The following GXYLT2 variants were observed in gnomAD, a reference collection of about 807,000 sequenced individuals.
GXYLT2 encodes glycosyltransferase 8 domain containing 4.
In GXYLT2, 53 loss-of-function variants were observed where a neutral mutation model predicts 45.8. The ratio of observed to expected loss-of-function variants is 1.16; its 90% CI spans 0.93 to 1.46. The LOEUF is 1.46. Among genes scored for constraint, GXYLT2 ranks in the 40% most tolerant of loss-of-function variants. The pLI, the probability that GXYLT2 is intolerant of heterozygous loss-of-function variation, is 0.00. For synonymous variants in GXYLT2, 219 were observed against 214.2 expected, an observed-to-expected ratio of 1.02 and a Z score of -0.19; for missense variants, 551 against 544.4, an observed-to-expected ratio of 1.01 and a Z score of -0.12.
At chr3:72,934,628 C>T (rs370206435) in intron 3 of GXYLT2, among the ~76,000 whole-genome samples, 3 of 152,260 alleles carry the variant, frequency 2.0e-5, no homozygotes, top group Non-Finnish European at 2.9e-5. Context: ...AAAGCAGTTA[C>T]GCCTTCAGAT....
chr3:72,948,260 A>G (rs1710449303), intron 3 of GXYLT2, among the ~76,000 whole-genome samples: 1 of 152,214 alleles, frequency 6.6e-6, no homozygotes, highest in Non-Finnish European at 1.5e-5. Flanking sequence ...AAGTGACCTC[A>G]TCAACAGCTA....
chr3:72,894,542 G>A (rs974591870), intron 1 of GXYLT2, among the ~76,000 whole-genome samples: 3 of 152,202 alleles, frequency 2.0e-5, no homozygotes, highest in African/African-American at 7.2e-5. Flanking sequence ...GTACCTGATA[G>A]CAATAGCTTG....
chr3:72,957,441 A>G, intron 5 of GXYLT2, 89 bp downstream of exon 5: 1 of 1,335,722 alleles, frequency 7.5e-7, no homozygotes, highest in South Asian at 1.4e-5. Context: ...GCTATTGACT[A>G]GGCTTGAATT....
At chr3:72,894,386 G>A (rs953208376) in intron 1 of GXYLT2, among the ~76,000 whole-genome samples, 3 of 152,212 alleles carry the variant, frequency 2.0e-5, no homozygotes, top group Admixed American at 1.3e-4. Flanking sequence ...CCCAGGAAGT[G>A]AGCATCCACC....
chr3:72,933,878 C>T (rs142153133), intron 3 of GXYLT2, among the ~76,000 whole-genome samples: 2 of 151,760 alleles, frequency 1.3e-5, no homozygotes, highest in Non-Finnish European at 2.9e-5. Context: ...CACTCCAACT[C>T]GGGCAACAGA....
At chr3:72,898,145 T>G (rs1273292099) in intron 1 of GXYLT2, among the ~76,000 whole-genome samples, 1 of 152,186 alleles carries the variant, frequency 6.6e-6, no homozygotes, top group East Asian at 1.9e-4. Context: ...TACTTGTATA[T>G]GCATTAAGCA....
At chr3:72,902,775 G>C (rs989378710) in intron 1 of GXYLT2, among the ~76,000 whole-genome samples, 1 of 151,810 alleles carries the variant, frequency 6.6e-6, no homozygotes, top group Non-Finnish European at 1.5e-5. Flanking sequence ...AGCACTTTGG[G>C]AGGCCAAGGC....
In GXYLT2 at chr3:72,941,240, C is replaced by T. The variant is rs115528426; in HGVS notation, c.601-13858C>T. 8.1e-3 allele frequency among the ~76,000 whole-genome samples: 1,234 copies of T among 152,296 alleles called. 12 individuals are homozygous for T. Among genetic ancestry groups the T allele is most frequent in the South Asian group, 0.017 (81 of 4,830 alleles). On this transcript the variant is annotated intron_variant, in intron 3 of 6. Coordinates refer to ENST00000389617, the MANE Select transcript of GXYLT2 (RefSeq NM_001080393.2). ...ATCCTGTTTACTCATCTCCCTGCTACATGTGTCTCTATTCTCCTGTTACTA... is the reference window on the plus strand; with the variant it reads ...ATCCTGTTTACTCATCTCCCTGCTATATGTGTCTCTATTCTCCTGTTACTA...
intron 1 of GXYLT2, among the ~76,000 whole-genome samples, chr3:72,903,873 A>C (rs1709453223): frequency 1.3e-5 from 2 of 152,254 alleles, no homozygotes; most frequent in South Asian, 4.1e-4. Context: ...AGTTTGTTTC[A>C]AATTGGTTTA....
chr3:72,957,425 C>A, intron 5 of GXYLT2, 73 bp downstream of exon 5: 1 of 1,451,152 alleles, frequency 6.9e-7, no homozygotes, highest in Non-Finnish European at 9.3e-7. Flanking sequence ...ATTCCATGCC[C>A]GGGTTGCTAT....
intron 5 of GXYLT2, among the ~76,000 whole-genome samples, chr3:72,963,087 G>C (rs996283632): frequency 1.3e-5 from 2 of 152,064 alleles, no homozygotes; most frequent in African/African-American, 4.8e-5. Flanking sequence ...TGAGCAGGGA[G>C]TATTGCTTGA....
intron 3 of GXYLT2, among the ~76,000 whole-genome samples, chr3:72,927,603 A>T (rs751811893): frequency 6.6e-5 from 10 of 152,192 alleles, no homozygotes; most frequent in Non-Finnish European, 1.5e-4. Context: ...TAACATTGAG[A>T]CATCCTTGCA....
chr3:72,929,279 C>G, intron 3 of GXYLT2: 2 of 1,350,214 alleles, frequency 1.5e-6, no homozygotes, highest in South Asian at 2.3e-5. Flanking sequence ...ACGAGGTGGC[C>G]GAATCTTCCT....
intron 3 of GXYLT2, chr3:72,929,043 T>A (rs1272154198): frequency 1.8e-5 from 28 of 1,561,230 alleles, no homozygotes; most frequent in Non-Finnish European, 2.2e-5. Context: ...GCCGCCGCCG[T>A]GACGACCGCG....
intron 1 of GXYLT2, among the ~76,000 whole-genome samples, chr3:72,906,185 A>T: frequency 6.6e-6 from 1 of 152,184 alleles, no homozygotes; most frequent in East Asian, 1.9e-4. Context: ...GCAAACATGA[A>T]AACCCAACCA....
At chr3:72,950,231 C>T (rs190822069) in intron 3 of GXYLT2, among the ~76,000 whole-genome samples, 39 of 152,128 alleles carry the variant, frequency 2.6e-4, no homozygotes, top group African/African-American at 7.7e-4. Flanking sequence ...GAGGCTGAGG[C>T]GGGCGAATCA....
intron 4 of GXYLT2, 122 bp from the exon 5 acceptor site, chr3:72,957,107 G>T (rs1231531219): frequency 1.0e-6 from 1 of 1,001,042 alleles, no homozygotes; most frequent in Admixed American, 3.0e-5. Context: ...AGAATAGCAG[G>T]ACCCCTCCTG....
chr3:72,955,300 C>A lies in GXYLT2; in HGVS notation c.803C>A (p.Ser268Ter). 1.2e-6 allele frequency: 2 copies of A among 1,613,900 alleles called. No individual in the cohort carries two copies. The highest frequency in any genetic ancestry group is 2.2e-5 in the East Asian group (1 of 44,886). Residue 268 changes from serine (S) to a stop codon, truncating the protein, a stop_gained, in exon 4 of 7, where the codon TCA becomes TAA. Coordinates refer to ENST00000389617, the MANE Select transcript of GXYLT2 (RefSeq NM_001080393.2). LOFTEE classifies it high-confidence loss of function. ...HPFYGSAGVNSGVMLMNLTRI... is the reference protein window; with the variant it reads ...HPFYGSAGVN ...TTCTATGGCTCTGCAGGAGTTAATT[C>A]AGGAGTCATGTTAATGAATTTAACT...
chr3:72,944,483 G>T (rs1205890842), intron 3 of GXYLT2, among the ~76,000 whole-genome samples: 2 of 151,986 alleles, frequency 1.3e-5, no homozygotes, highest in East Asian at 3.9e-4. Flanking sequence ...TTGAACTCCT[G>T]ACCTCGAGTG....
Sources: gnomAD v4.1 joint callset for allele counts (sites outside exome capture counted in the v4.1 genomes callset) on GRCh38, gnomAD v4.1.1 for gene constraint, MANE v1.5 for transcripts, NCBI Gene and HGNC (gene_info 2026-07-23, HGNC 2026-07-21) for gene names.